Variants in CACNA1C observed in about 807,000 individuals in gnomAD.
CACNA1C encodes calcium voltage-gated channel subunit alpha1 C, also known as voltage-dependent L-type calcium channel subunit alpha-1C.
In CACNA1C, 30 loss-of-function variants were observed where a neutral mutation model predicts 229.0. The observed-to-expected ratio is 0.13, with a 90% CI of 0.10 to 0.18. CACNA1C has a LOEUF of 0.18. Ranked by LOEUF, CACNA1C falls within the 10% of genes least tolerant of loss-of-function variation. CACNA1C has a pLI of 1.00. For missense variants in CACNA1C, 1,658 were observed against 2,845.0 expected (o/e 0.58, Z 9.49); for synonymous variants, 1,114 against 1,132.5 (o/e 0.98, Z 0.33).
chr12:2,051,801 G>C (rs1032937866), upstream of CACNA1C, among the ~76,000 whole-genome samples: 5 of 152,238 alleles, frequency 3.3e-5, no homozygotes, highest in African/African-American at 1.2e-4. Context: ...CCAGTGTTTG[G>C]ATGTATTAGG....
At chr12:2,652,272 G>A (rs928346501) in intron 32 of CACNA1C, among the ~76,000 whole-genome samples, 9 of 152,148 alleles carry the variant, frequency 5.9e-5, no homozygotes, top group South Asian at 2.1e-4. Flanking sequence ...TCCTCCGCTC[G>A]GCTAGAGAGG....
chr12:2,217,416 T>C (rs1034271048), intron 3 of CACNA1C: 1 of 152,270 alleles, frequency 6.6e-6, no homozygotes, highest in African/African-American at 2.4e-5. Flanking sequence ...GTAAAATTTA[T>C]GTTACATGTA....
At chr12:2,638,512 G>A (rs943247607) in intron 30 of CACNA1C, among the ~76,000 whole-genome samples, 3 of 152,180 alleles carry the variant, frequency 2.0e-5, no homozygotes, top group Admixed American at 1.3e-4. Flanking sequence ...GAGGTGTCAC[G>A]TGACCCGACT....
At chr12:2,529,955 A>G (rs1274156316) in intron 9 of CACNA1C, among the ~76,000 whole-genome samples, 2 of 152,238 alleles carry the variant, frequency 1.3e-5, no homozygotes, top group African/African-American at 4.8e-5. Context: ...TTGAAAGGTC[A>G]ACTCCCTTCA....
intron 3 of CACNA1C, among the ~76,000 whole-genome samples, chr12:2,369,988 A>G (rs1245416035): frequency 6.6e-6 from 1 of 152,258 alleles, no homozygotes; most frequent in Non-Finnish European, 1.5e-5. Flanking sequence ...CACGGGGTCA[A>G]TATTGCTGCT....
intron 1 of CACNA1C, among the ~76,000 whole-genome samples, chr12:2,090,139 A>G (rs1210801605): frequency 1.3e-5 from 2 of 152,136 alleles, no homozygotes; most frequent in East Asian, 3.9e-4. Flanking sequence ...GTTTTTATGC[A>G]TTTGACTACT....
At chr12:2,103,090 C>T (rs1416774643) in intron 1 of CACNA1C, among the ~76,000 whole-genome samples, 1 of 152,156 alleles carries the variant, frequency 6.6e-6, no homozygotes, top group Non-Finnish European at 1.5e-5. Flanking sequence ...AATCCTTTGG[C>T]TATATACCCA....
intron 1 of CACNA1C, among the ~76,000 whole-genome samples, chr12:2,100,755 C>T (rs746037665): frequency 6.7e-6 from 1 of 149,000 alleles, no homozygotes; most frequent in Non-Finnish European, 1.5e-5. Context: ...GAGACTGTCT[C>T]AAAAAAAGAA....
chr12:2,638,971 G>A (rs757378113), intron 30 of CACNA1C, among the ~76,000 whole-genome samples: 47 of 152,314 alleles, frequency 3.1e-4, no homozygotes, highest in East Asian at 1.5e-3. Context: ...AAGAAGAAGC[G>A]ACAAGAGGCA....
intron 1 of CACNA1C, among the ~76,000 whole-genome samples, chr12:2,095,439 T>C (rs1301929689): frequency 6.6e-6 from 1 of 152,182 alleles, no homozygotes; most frequent in Non-Finnish European, 1.5e-5. Flanking sequence ...TGAAAAATGG[T>C]AGTGCCATTG....
chr12:2,026,769 A>G (rs2047400508), intron 1 of CACNA1C, among the ~76,000 whole-genome samples: 2 of 152,208 alleles, frequency 1.3e-5, no homozygotes, highest in African/African-American at 4.8e-5. Context: ...TAAAGATTTC[A>G]TGTGAGAGTT....
intron 3 of CACNA1C, among the ~76,000 whole-genome samples, chr12:2,206,656 C>T (rs542401574): frequency 3.9e-5 from 6 of 152,316 alleles, no homozygotes; most frequent in East Asian, 1.9e-4. Context: ...GAATAGCCAG[C>T]GTGGCCAGTT....
chr12:2,100,496 C>A (rs113773049), intron 1 of CACNA1C, among the ~76,000 whole-genome samples: 1,680 of 99,988 alleles, frequency 0.017, 43 homozygotes, highest in African/African-American at 0.057. Flanking sequence ...AAAAAAACAA[C>A]AAAAATTGGA....
At position 2,597,388 on chromosome 12, in the gene CACNA1C, T is replaced by G; in HGVS notation, c.2853+99T>G. 6.6e-7 allele frequency: 1 copy of G among 1,519,576 alleles called. No individual in the cohort carries two copies. Among genetic ancestry groups the G allele is most frequent in the East Asian group, 2.3e-5 (1 of 44,418 alleles). 94.1% of individuals were successfully genotyped at this position (1,519,576 alleles called of 1,614,324 possible). ...TAACACACATGCTCCTTCCTGTTGG[T>G]GTGGGGTTCACTCTCAGAGCCACTA... On this transcript the variant is annotated intron_variant, in intron 21 of 46. Transcript: ENST00000399655. This position sits in a 1 kb window ranked among gnomAD's most constrained non-coding sequence, Gnocchi z 4.3.
At position 2,605,831 on chromosome 12, in the gene CACNA1C, C is replaced by T. The variant is rs1401813745; in HGVS notation, c.3156+45C>T. The T allele has an allele frequency of 3.1e-6, 4 of 1,277,462 alleles. No homozygotes were observed. The South Asian group carries it at 3.6e-5, about 11-fold the overall frequency. The allele number at this position is 1,277,462 out of a possible 1,614,324, so 79.1% of individuals were successfully genotyped here. ...GTGGTCCTCCTACCTCCCCTCCCATCAGCATTCCTGGGGAAGGGAACTGGC... is the reference window on the plus strand; with the variant it reads ...GTGGTCCTCCTACCTCCCCTCCCATTAGCATTCCTGGGGAAGGGAACTGGC... On this transcript the variant is annotated intron_variant, in intron 24 of 46. Transcript: ENST00000399655. This position sits in a 1 kb window ranked among gnomAD's most constrained non-coding sequence, Gnocchi z 6.2.
intron 7 of CACNA1C, among the ~76,000 whole-genome samples, chr12:2,502,671 G>GT (rs2099763312): frequency 6.6e-6 from 1 of 152,192 alleles, no homozygotes; most frequent in Non-Finnish European, 1.5e-5. Flanking sequence ...ATATTGGGAT[G>GT]TAACACTTCA....
intron 3 of CACNA1C, among the ~76,000 whole-genome samples, chr12:2,434,215 AC>A (rs1035054867): frequency 2.7e-5 from 4 of 148,426 alleles, no homozygotes; most frequent in Non-Finnish European, 6.0e-5. Context: ...GTCAGGCCTG[AC>A]CCCCCGTCTG....
intron 1 of CACNA1C, among the ~76,000 whole-genome samples, chr12:2,031,523 G>T (rs139657293): frequency 9.9e-4 from 151 of 152,264 alleles, no homozygotes; most frequent in African/African-American, 3.5e-3. Context: ...AAGAGGATTG[G>T]ATAATGAGTT....
chr12:2,354,652 G>GGA lies in CACNA1C; in HGVS notation c.478-94320_478-94319dup, dbSNP rs1259003141. ...GTCCATCCTTTCTCCTGGCCTCCAG[G>GGA]GAGAGCCCAGACACTCCTGACCACA... On this transcript the variant is annotated intron_variant, in intron 3 of 46. Coordinates refer to ENST00000399655, the MANE Select transcript of CACNA1C (RefSeq NM_000719.7). The surrounding 1 kb of genome is among the most constrained non-coding windows in gnomAD (Gnocchi z 4.6). 6.6e-6 allele frequency among the ~76,000 whole-genome samples: 1 copy of GGA among 152,186 alleles called. No individual in the cohort carries two copies. Among genetic ancestry groups the GGA allele is most frequent in the Non-Finnish European group, 1.5e-5 (1 of 68,038 alleles).
Sources: gnomAD v4.1 joint callset for allele counts (sites outside exome capture counted in the v4.1 genomes callset) on GRCh38, gnomAD v4.1.1 for gene constraint, Gnocchi (gnomAD v3.1) non-coding constraint, MANE v1.5 for transcripts, NCBI Gene and HGNC (gene_info 2026-07-23, HGNC 2026-07-21) for gene names.